Variants in BRIP1 observed in about 807,000 individuals in gnomAD.
BRIP1 encodes BRCA1 interacting DNA helicase 1.
A neutral mutation model predicts 119.7 loss-of-function variants in BRIP1; 88 were observed. The ratio of observed to expected loss-of-function variants is 0.74; its 90% CI spans 0.62 to 0.88. BRIP1 has a LOEUF of 0.88. BRIP1 is among the 40% of genes least tolerant of loss of function. The pLI is 0.00. For synonymous variants in BRIP1, 443 were observed against 496.5 expected (o/e 0.89, Z 1.43); for missense variants, 1,259 against 1,455.4 (o/e 0.87, Z 2.20).
At chr17:61,688,961 T>C (rs1052742943) in intron 18 of BRIP1, among the ~76,000 whole-genome samples, 7 of 151,860 alleles carry the variant, frequency 4.6e-5, no homozygotes, top group African/African-American at 1.5e-4. Flanking sequence ...TCAGCAGACT[T>C]GATCAAGCAG....
At position 61,743,934 on chromosome 17, in the gene BRIP1, G is replaced by A. The variant is rs950954394; in HGVS notation, c.2257+498C>T. 6.6e-6 allele frequency among the ~76,000 whole-genome samples: 1 copy of A among 152,012 alleles called. No homozygotes were observed. The highest frequency in any genetic ancestry group is 2.4e-5 in the African/African-American group (1 of 41,384). On this transcript the variant is annotated intron_variant, in intron 15 of 19. Coordinates refer to ENST00000259008, the MANE Select transcript of BRIP1 (RefSeq NM_032043.3). This position sits in a 1 kb window ranked among gnomAD's most constrained non-coding sequence, Gnocchi z 4.3. The stretch of plus-strand genomic sequence containing the variant: ...ACTCCTGGGCTCAAGTGATCCACCC[G>A]CCTCAGCCTCCCAAAGCGCTAGGAT...
chr17:61,849,458 T>C (rs2078785591), intron 4 of BRIP1, among the ~76,000 whole-genome samples: 1 of 142,064 alleles, frequency 7.0e-6, no homozygotes, highest in African/African-American at 2.6e-5. Flanking sequence ...ATGCTTTCAA[T>C]AGGAAAAGTC....
chr17:61,752,426 T>C lies in BRIP1; in HGVS notation c.2098-7835A>G, dbSNP rs2077143993. ...GGCAAAGGCCCACTAGAAGATTATC[T>C]AGGGAAATACACTTTGTTGAACTCA... On this transcript the variant is annotated intron_variant, in intron 14 of 19. Transcript: ENST00000259008. The surrounding 1 kb of genome is among the most constrained non-coding windows in gnomAD (Gnocchi z 6.2). 6.6e-6 allele frequency among the ~76,000 whole-genome samples: 1 copy of C among 152,210 alleles called. No individual in the cohort carries two copies. The highest frequency in any genetic ancestry group is 2.4e-5 in the African/African-American group (1 of 41,464).
rs148727206 is a variant in BRIP1, at chr17:61,828,937, T to C, written c.627+18164A>G. On this transcript the variant is annotated intron_variant, in intron 6 of 19. Coordinates refer to ENST00000259008, the MANE Select transcript of BRIP1 (RefSeq NM_032043.3). This position sits in a 1 kb window ranked among gnomAD's most constrained non-coding sequence, Gnocchi z 4.1. ...AAGGTACACTGTGATAAGTTTAAGA[T>C]GCAAAGTATGAAGCAACTCACAAAA... 4.6e-3 allele frequency among the ~76,000 whole-genome samples: 701 copies of C among 152,208 alleles called. 6 individuals are homozygous for C. The highest frequency in any genetic ancestry group is 0.014 in the African/African-American group (602 of 41,552).
In BRIP1 at chr17:61,863,391, A is replaced by G. The variant is rs1316937174; in HGVS notation, c.-138T>C. The G allele has an allele frequency of 6.6e-6, 1 of 152,208 alleles. No homozygotes were observed. The highest frequency in any genetic ancestry group is 2.4e-5 in the African/African-American group (1 of 41,420). The allele number at this position is 152,208 out of a possible 1,614,324, so 9.4% of individuals were successfully genotyped here. ...AAAGCGGAGCCCTGGAAGAGAAGAA[A>G]GGGCACGAGCCCTTCCTCCTCCCTC... On this transcript the variant is annotated 5_prime_UTR_variant, in exon 1 of 20. Transcript: ENST00000259008.
Position 61,693,659 on chromosome 17 carries a change from C to A in BRIP1, c.2493-147G>T. 2.9e-6 allele frequency: 2 copies of A among 691,794 alleles called. No homozygotes were observed. The highest frequency in any genetic ancestry group is 2.7e-5 in the East Asian group (1 of 36,790). The allele number at this position is 691,794 out of a possible 1,614,324, so 42.9% of individuals were successfully genotyped here. On this transcript the variant is annotated intron_variant, in intron 17 of 19. Coordinates refer to ENST00000259008, the MANE Select transcript of BRIP1 (RefSeq NM_032043.3). This position sits in a 1 kb window ranked among gnomAD's most constrained non-coding sequence, Gnocchi z 4.2. The stretch of plus-strand genomic sequence containing the variant: ...TTATCAGAAAAGTTACAGAAGCTAT[C>A]CAACACAATGTAACAAACTAGATGT...
At chr17:61,777,134 G>A (rs758095646) in intron 13 of BRIP1, among the ~76,000 whole-genome samples, 10 of 152,186 alleles carry the variant, frequency 6.6e-5, no homozygotes, top group Non-Finnish European at 1.5e-4. Flanking sequence ...AACAAGTGAT[G>A]AATCTAGGTG....
rs774673535 is a variant in BRIP1, at chr17:61,808,431, C to T, written c.918+36G>A. On this transcript the variant is annotated intron_variant, in intron 7 of 19. Coordinates refer to ENST00000259008, the MANE Select transcript of BRIP1 (RefSeq NM_032043.3). This position sits in a 1 kb window ranked among gnomAD's most constrained non-coding sequence, Gnocchi z 4.1. Reference sequence around the variant, plus strand: ...ACTGAGTAATTTAAATATTTTCAGCCTTATTTTTTCTCTAACACAAAATAA... The same window carrying T: ...ACTGAGTAATTTAAATATTTTCAGCTTTATTTTTTCTCTAACACAAAATAA... The T allele has an allele frequency of 3.2e-6, 5 of 1,566,130 alleles. No individual in the cohort carries two copies. Among genetic ancestry groups the T allele is most frequent in the Non-Finnish European group, 4.4e-6 (5 of 1,137,204 alleles).
chr17:61,707,802 C>T (rs57099937), intron 17 of BRIP1, among the ~76,000 whole-genome samples: 34,545 of 151,588 alleles, frequency 0.23, 4,549 homozygotes, highest in Admixed American at 0.42. Context: ...AAAAATAGCC[C>T]ATGTCTTGTT....
chr17:61,697,224 C>G (rs900552817), intron 17 of BRIP1, among the ~76,000 whole-genome samples: 2 of 149,736 alleles, frequency 1.3e-5, no homozygotes, highest in Non-Finnish European at 3.0e-5. Context: ...GTAATCCTAG[C>G]TACTCAGGAG....
chr17:61,786,296 C>A (rs939878959), intron 10 of BRIP1, among the ~76,000 whole-genome samples: 1 of 151,712 alleles, frequency 6.6e-6, no homozygotes, highest in African/African-American at 2.4e-5. Context: ...AGTCAACAGA[C>A]AACATCTAAA....
rs58620078 is a variant in BRIP1 at position 61,853,233 on chromosome 17, ATT to A, written c.379+3823_379+3824del. ...GACACAAGATTACATATATAATTCC[ATT>A]TTTTTTTTTTGAGATGGAGTTTCAC... On this transcript the variant is annotated intron_variant, in intron 4 of 19. Coordinates refer to ENST00000259008, the MANE Select transcript of BRIP1 (RefSeq NM_032043.3). The surrounding 1 kb of genome is among the most constrained non-coding windows in gnomAD (Gnocchi z 4.3). Among the ~76,000 whole-genome samples, 23,866 of 147,770 alleles carry A rather than the reference ATT, an allele frequency of 0.16. 2,391 individuals carry two copies. Among genetic ancestry groups the A allele is most frequent in the East Asian group, 0.54 (2,742 of 5,092 alleles).
chr17:61,858,077 CAAT>C (rs2078922399), intron 3 of BRIP1, among the ~76,000 whole-genome samples: 1 of 152,106 alleles, frequency 6.6e-6, no homozygotes, highest in East Asian at 1.9e-4. Context: ...ATATTCAAAT[CAAT>C]AAAATAGGTA....
chr17:61,861,671 TA>T lies in BRIP1; in HGVS notation c.-30-103del. The T allele has an allele frequency of 1.4e-6, 1 of 705,450 alleles. No individual in the cohort carries two copies. Among genetic ancestry groups the T allele is most frequent in the Non-Finnish European group, 2.5e-6 (1 of 394,042 alleles). The allele number at this position is 705,450 out of a possible 1,614,324, so 43.7% of individuals were successfully genotyped here. A position where few individuals can be genotyped will look rare whatever the true frequency, so the allele number is the denominator to read the frequency against. On this transcript the variant is annotated intron_variant, in intron 1 of 19. Coordinates refer to ENST00000259008, the MANE Select transcript of BRIP1 (RefSeq NM_032043.3). The surrounding 1 kb of genome is among the most constrained non-coding windows in gnomAD (Gnocchi z 4.5). ...ATCTGGAAACAGAAACTGGAATTAA[TA>T]AAAGTATAAACAAAACAAATGGAAA... is the stretch of plus-strand genomic sequence containing the variant.
chr17:61,835,045 T>C (rs962422885), intron 6 of BRIP1, among the ~76,000 whole-genome samples: 1 of 152,246 alleles, frequency 6.6e-6, no homozygotes, highest in African/African-American at 2.4e-5. Context: ...GGGGTTGATA[T>C]TGAGGAGACA....
rs572510297 is a variant in BRIP1 at position 61,808,999 on chromosome 17, C to T, written c.628-242G>A. On this transcript the variant is annotated intron_variant, in intron 6 of 19. Coordinates refer to ENST00000259008, the MANE Select transcript of BRIP1 (RefSeq NM_032043.3). The surrounding 1 kb of genome is among the most constrained non-coding windows in gnomAD (Gnocchi z 4.1). Reference sequence around the variant, plus strand: ...CAAATTTGCATTCTTTCCAACATACCACTCTAACTCTCCAATTCCAAATGT... The same window carrying T: ...CAAATTTGCATTCTTTCCAACATACTACTCTAACTCTCCAATTCCAAATGT... Among the ~76,000 whole-genome samples, 7 of 152,146 alleles carry T rather than the reference C, an allele frequency of 4.6e-5. No individual in the cohort carries two copies. The highest frequency in any genetic ancestry group is 1.7e-4 in the African/African-American group (7 of 41,510).
Position 61,825,743 on chromosome 17 carries a change from A to G in BRIP1, c.628-16986T>C, listed in dbSNP as rs1395077252. On this transcript the variant is annotated intron_variant, in intron 6 of 19. Transcript: ENST00000259008. The surrounding 1 kb of genome is among the most constrained non-coding windows in gnomAD (Gnocchi z 4.1). ...GAACTACAAAGCACTGCTTGAAGAA[A>G]TCAGAGATTTCTTACAAACAAATGA... is the stretch of plus-strand genomic sequence containing the variant. Among the ~76,000 whole-genome samples the G allele has an allele frequency of 6.6e-6, 1 of 152,030 alleles. No homozygotes were observed. Among genetic ancestry groups the G allele is most frequent in the Non-Finnish European group, 1.5e-5 (1 of 68,008 alleles).
rs1453199412 is a variant in BRIP1 at position 61,725,141 on chromosome 17, G to A, written c.2380-9078C>T. 1.3e-5 allele frequency among the ~76,000 whole-genome samples: 2 copies of A among 152,040 alleles called. No individual in the cohort carries two copies. The highest frequency in any genetic ancestry group is 2.4e-5 in the African/African-American group (1 of 41,394). On this transcript the variant is annotated intron_variant, in intron 16 of 19. Coordinates refer to ENST00000259008, the MANE Select transcript of BRIP1 (RefSeq NM_032043.3). This position sits in a 1 kb window ranked among gnomAD's most constrained non-coding sequence, Gnocchi z 5.3. Reference sequence around the variant, plus strand: ...CCAAATAGTGTGTGTGTGTGTGTGTGTGTGTATATACACTTTTTTTAAATG... The same window carrying A: ...CCAAATAGTGTGTGTGTGTGTGTGTATGTGTATATACACTTTTTTTAAATG...
In BRIP1 at chr17:61,861,391, T is replaced by C. The variant is rs1289695992; in HGVS notation, c.93+56A>G. The C allele has an allele frequency of 3.5e-6, 4 of 1,138,920 alleles. No individual in the cohort carries two copies. Among genetic ancestry groups the C allele is most frequent in the African/African-American group, 1.5e-5 (1 of 65,506 alleles). 70.6% of individuals were successfully genotyped at this position (1,138,920 alleles called of 1,614,324 possible). A position where few individuals can be genotyped will look rare whatever the true frequency, so the allele number is the denominator to read the frequency against. ...ATGCAGTCAAATACTCAATGTACTTTATGGGTCATAAGTATCTATATCTTA... is the reference window on the plus strand; with the variant it reads ...ATGCAGTCAAATACTCAATGTACTTCATGGGTCATAAGTATCTATATCTTA... On this transcript the variant is annotated intron_variant, in intron 2 of 19. Coordinates refer to ENST00000259008, the MANE Select transcript of BRIP1 (RefSeq NM_032043.3). This position sits in a 1 kb window ranked among gnomAD's most constrained non-coding sequence, Gnocchi z 4.5.
Sources: allele counts gnomAD v4.1 joint callset (sites outside exome capture counted in the v4.1 genomes callset), GRCh38; gene constraint gnomAD v4.1.1; non-coding constraint Gnocchi (gnomAD v3.1); transcripts MANE v1.5; gene names NCBI Gene and HGNC (gene_info 2026-07-23, HGNC 2026-07-21).